ABI3BP: variants seen among roughly 807,000 people sequenced by gnomAD.
ABI3BP encodes the protein target of Nesh-SH3.
A neutral mutation model predicts 268.6 loss-of-function variants in ABI3BP; 216 were observed. The observed-to-expected ratio is 0.80, with a 90% CI of 0.72 to 0.90. The LOEUF (loss-of-function observed/expected upper bound fraction) is 0.90. Among genes scored for constraint, ABI3BP ranks in the 40% least tolerant of loss-of-function variants. The pLI is 0.00. For synonymous variants in ABI3BP, 730 were observed against 730.0 expected (o/e 1.00, Z 0.00); for missense variants, 2,090 against 2,182.4 (o/e 0.96, Z 0.84).
chr3:100,917,626 G>C (rs1196250869), intron 2 of ABI3BP, among the ~76,000 whole-genome samples: 1 of 152,054 alleles, frequency 6.6e-6, no homozygotes, highest in African/African-American at 2.4e-5. Flanking sequence ...TTAGCCATTC[G>C]GGGACACTCT....
At chr3:100,911,839 G>A in intron 2 of ABI3BP, 1 of 1,597,098 alleles carries the variant, frequency 6.3e-7, no homozygotes, top group Non-Finnish European at 8.6e-7. Context: ...AAGTTTTTGT[G>A]AAGCAGCCTC....
At chr3:100,897,601 T>G (rs898988919) in intron 4 of ABI3BP, among the ~76,000 whole-genome samples, 14 of 152,084 alleles carry the variant, frequency 9.2e-5, no homozygotes, top group African/African-American at 2.9e-4. Flanking sequence ...AATTCTAGAG[T>G]AGGCAAAACT....
At chr3:100,777,945 C>CAATAGATGTGACAATA (rs1560007697) in intron 59 of ABI3BP, among the ~76,000 whole-genome samples, 5 of 152,164 alleles carry the variant, frequency 3.3e-5, no homozygotes, top group Admixed American at 6.5e-5. Flanking sequence ...AATGACAAGT[C>CAATAGATGTGACAATA]ATCACATCTA....
At chr3:100,839,071 G>C (rs1224857363) in intron 24 of ABI3BP, among the ~76,000 whole-genome samples, 1 of 152,150 alleles carries the variant, frequency 6.6e-6, no homozygotes. Context: ...GATCAAGAAC[G>C]ATCTTGGTTC....
In ABI3BP at chr3:100,834,726, G is replaced by T. The variant is rs139179262; in HGVS notation, c.2239C>A (p.His747Asn). 1.3e-6 allele frequency: 2 copies of T among 1,535,756 alleles called. No homozygotes were observed. Among genetic ancestry groups the T allele is most frequent in the East Asian group, 4.9e-5 (2 of 40,902 alleles). The change falls in exon 29 of 68, where the codon CAT becomes AAT. Residue 747 changes from histidine (H) to asparagine (N), a missense_variant. Coordinates refer to ENST00000471714, the MANE Select transcript of ABI3BP (RefSeq NM_001375547.2). ...GTCTCTGGGCGTGGCGTGGTTTTAT[G>T]TTTGGGACGTGGACGACGTGTTCTT... ...RTRTRRPRPK[H>N]KTTPRPETLQ...
intron 17 of ABI3BP, among the ~76,000 whole-genome samples, chr3:100,849,448 T>A (rs2098814474): frequency 6.6e-6 from 1 of 152,182 alleles, no homozygotes; most frequent in Non-Finnish European, 1.5e-5. Flanking sequence ...GGTCTTGAAC[T>A]CCTGGCCTCA....
intron 1 of ABI3BP, among the ~76,000 whole-genome samples, chr3:100,977,245 A>G (rs1562238725): frequency 6.6e-6 from 1 of 152,196 alleles, no homozygotes; most frequent in Non-Finnish European, 1.5e-5. Context: ...AAGGCATCAC[A>G]TATGCTCCCT....
At chr3:100,813,013 T>G (rs9862228) in intron 45 of ABI3BP, among the ~76,000 whole-genome samples, 1 of 152,114 alleles carries the variant, frequency 6.6e-6, no homozygotes, top group Non-Finnish European at 1.5e-5. Context: ...CCTAAGTAAC[T>G]GGGACTACAG....
At chr3:100,823,895 C>T (rs1184954039) in intron 36 of ABI3BP, among the ~76,000 whole-genome samples, 2 of 152,140 alleles carry the variant, frequency 1.3e-5, no homozygotes, top group African/African-American at 4.8e-5. Flanking sequence ...GCGCTTATTA[C>T]ATATAAGTAA....
intron 62 of ABI3BP, among the ~76,000 whole-genome samples, 179 bp downstream of exon 62, chr3:100,770,564 G>A (rs2096514212): frequency 6.6e-6 from 1 of 152,146 alleles, no homozygotes; most frequent in Non-Finnish European, 1.5e-5. Flanking sequence ...GGACAAAGAT[G>A]ATCTTTTCTC....
chr3:100,944,728 G>T (rs966237474), intron 1 of ABI3BP, among the ~76,000 whole-genome samples: 5 of 152,126 alleles, frequency 3.3e-5, no homozygotes, highest in African/African-American at 1.2e-4. Flanking sequence ...AATTTATTTA[G>T]TTCATAAATA....
chr3:100,861,696 G>GA lies in ABI3BP; in HGVS notation c.1285+614dup, dbSNP rs5851228. Reference sequence around the variant, plus strand: ...GATGGAACACAAGAATTCTCCACAGGAAAAAAAAAAAAGCCAATTGCTACA... The same window carrying GA: ...GATGGAACACAAGAATTCTCCACAGGAAAAAAAAAAAAAGCCAATTGCTACA... On this transcript the variant is annotated intron_variant, in intron 14 of 67. Transcript: ENST00000471714. 9.1e-3 allele frequency among the ~76,000 whole-genome samples: 1,305 copies of GA among 142,690 alleles called. 6 individuals are homozygous for GA. Among genetic ancestry groups the GA allele is most frequent in the African/African-American group, 0.025 (952 of 38,760 alleles). 93.6% of individuals were successfully genotyped at this position (142,690 alleles called of 152,430 possible). A position where few individuals can be genotyped will look rare whatever the true frequency, so the allele number is the denominator to read the frequency against.
Position 100,850,654 on chromosome 3 carries a change from C to T in ABI3BP, c.1426+6G>A. 1 of 1,599,868 alleles carries T rather than the reference C, an allele frequency of 6.3e-7. No homozygotes were observed. The highest frequency in any genetic ancestry group is 1.1e-5 in the South Asian group (1 of 89,944). ...TAAAGTATGATTTTTCTGTTAAAAA[C>T]ATTACCCAGTGTTGCCCTTGGCTGT... On this transcript the variant is annotated splice_donor_region_variant and intron_variant, in intron 16 of 67. Coordinates refer to ENST00000471714, the MANE Select transcript of ABI3BP (RefSeq NM_001375547.2).
chr3:100,869,671 A>G (rs982623985), intron 9 of ABI3BP, among the ~76,000 whole-genome samples: 9 of 152,122 alleles, frequency 5.9e-5, no homozygotes, highest in African/African-American at 1.9e-4. Flanking sequence ...ATATCTATAA[A>G]TGATATTTCA....
At chr3:100,872,719 C>T (rs903430864) in intron 9 of ABI3BP, among the ~76,000 whole-genome samples, 82 of 152,238 alleles carry the variant, frequency 5.4e-4, no homozygotes, top group Non-Finnish European at 4.6e-4. Context: ...ACTGAGGGAT[C>T]TTAATTTGGG....
Position 100,830,563 on chromosome 3 carries a change from A to G in ABI3BP, c.2458+15T>C. On this transcript the variant is annotated intron_variant, in intron 32 of 67. Transcript: ENST00000471714. ...GCAGGAGAGGCAGATGTTGATGGAC[A>G]TAATGTGCCATTACCTGCTGTTGTC... is the stretch of plus-strand genomic sequence containing the variant. 2.0e-6 allele frequency: 3 copies of G among 1,533,262 alleles called. No homozygotes were observed. The highest frequency in any genetic ancestry group is 1.2e-5 in the South Asian group (1 of 83,736). 95.0% of individuals were successfully genotyped at this position (1,533,262 alleles called of 1,614,324 possible).
At chr3:100,757,427 C>G (rs2095679618) in intron 63 of ABI3BP, among the ~76,000 whole-genome samples, 1 of 152,154 alleles carries the variant, frequency 6.6e-6, no homozygotes, top group South Asian at 2.1e-4. Flanking sequence ...GATCCAGAAT[C>G]AGGATGACAT....
At chr3:100,942,954 A>G (rs910814809) in intron 1 of ABI3BP, among the ~76,000 whole-genome samples, 7 of 152,128 alleles carry the variant, frequency 4.6e-5, no homozygotes, top group African/African-American at 7.2e-5. Flanking sequence ...TAAATTTCCT[A>G]TCATGAGACT....
At chr3:100,926,534 C>T in intron 1 of ABI3BP, 53 bp from the exon 2 acceptor site, 3 of 1,524,814 alleles carry the variant, frequency 2.0e-6, no homozygotes, top group Non-Finnish European at 2.7e-6. Context: ...TTTTAGCATC[C>T]TACCCAACTT....
Sources: gnomAD v4.1 joint callset for allele counts (sites outside exome capture counted in the v4.1 genomes callset) on GRCh38, gnomAD v4.1.1 for gene constraint, MANE v1.5 for transcripts, NCBI Gene and HGNC (gene_info 2026-07-23, HGNC 2026-07-21) for gene names.